The following ASXL2 variants were observed in gnomAD, a reference collection of about 807,000 sequenced individuals.
ASXL2 encodes putative Polycomb group protein ASXL2.
In ASXL2, 23 loss-of-function variants were observed where a neutral mutation model predicts 122.0. That is an observed-to-expected ratio of 0.19 (90% CI 0.14 to 0.27). The LOEUF (loss-of-function observed/expected upper bound fraction) is 0.27. Among genes scored for constraint, ASXL2 ranks in the 10% least tolerant of loss-of-function variants. ASXL2 has a pLI of 1.00. For missense variants in ASXL2, 1,518 were observed against 1,713.8 expected (o/e 0.89, Z 2.02); for synonymous variants, 650 against 637.0 (o/e 1.02, Z -0.31).
intron 1 of ASXL2, among the ~76,000 whole-genome samples, chr2:25,875,606 A>T (rs537001412): frequency 6.6e-6 from 1 of 152,324 alleles, no homozygotes; most frequent in Admixed American, 6.5e-5. Flanking sequence ...CCAGTATCAC[A>T]TATCTACATT....
chr2:25,863,418 C>T (rs553212905), intron 1 of ASXL2, among the ~76,000 whole-genome samples: 4 of 151,890 alleles, frequency 2.6e-5, no homozygotes, highest in African/African-American at 9.7e-5. Flanking sequence ...AGGGGCCAGG[C>T]ACAGTGGCTC....
At chr2:25,833,856 A>C (rs999438222) in intron 3 of ASXL2, among the ~76,000 whole-genome samples, 1 of 152,144 alleles carries the variant, frequency 6.6e-6, no homozygotes, top group Non-Finnish European at 1.5e-5. Context: ...GTAGACAATG[A>C]CTAATTTAGC....
intron 3 of ASXL2, among the ~76,000 whole-genome samples, chr2:25,827,731 T>C (rs1166757055): frequency 6.6e-6 from 1 of 152,034 alleles, no homozygotes; most frequent in Non-Finnish European, 1.5e-5. Context: ...AAAGGGTGTG[T>C]AGGAAAACTT....
rs561089449 is a variant in ASXL2, at chr2:25,734,512, T to G, written c.*7517A>C. The G allele has an allele frequency of 5.9e-5, 9 of 152,340 alleles. No individual in the cohort carries two copies. Among genetic ancestry groups the G allele is most frequent in the African/African-American group, 1.4e-4 (6 of 41,576 alleles). 9.4% of individuals were successfully genotyped at this position (152,340 alleles called of 1,614,324 possible). A position where few individuals can be genotyped will look rare whatever the true frequency, so the allele number is the denominator to read the frequency against. On this transcript the variant is annotated 3_prime_UTR_variant, in exon 13 of 13. Coordinates refer to ENST00000435504, the MANE Select transcript of ASXL2 (RefSeq NM_018263.6). ...CTGTTTTTTAAAAGAATGTAAAATT[T>G]TATGTATGATACTTTCCATAGGAAA...
chr2:25,813,714 G>A (rs540081516), intron 3 of ASXL2, among the ~76,000 whole-genome samples: 1 of 152,302 alleles, frequency 6.6e-6, no homozygotes, highest in South Asian at 2.1e-4. Context: ...TAAAATGAAA[G>A]TAAATGGCAC....
At position 25,742,819 on chromosome 2, in the gene ASXL2, C is replaced by T; in HGVS notation, c.3518G>A (p.Ser1173Asn). ...AGTGTCATCTTCTTTGCTGCTGCTA[C>T]TCTCTCCTGTTGCATTTTTACAGTC... ...YTDCKNATGE[S>N]SSSKEDDTDE... The change falls in exon 13 of 13, where the codon AGT (serine) becomes AAT (asparagine). Residue 1173 changes from serine to asparagine, a missense_variant. Ser to Asn is a conservative substitution (Grantham distance 46). Transcript: ENST00000435504. 1 of 1,614,022 alleles carries T rather than the reference C, an allele frequency of 6.2e-7. No individual in the cohort carries two copies. The highest frequency in any genetic ancestry group is 8.5e-7 in the Non-Finnish European group (1 of 1,179,890).
chr2:25,770,599 A>G (rs1480015475), intron 6 of ASXL2, among the ~76,000 whole-genome samples: 3 of 152,192 alleles, frequency 2.0e-5, no homozygotes, highest in African/African-American at 7.2e-5. Context: ...TACTAAAAAC[A>G]CAAAAATTAG....
intron 1 of ASXL2, chr2:25,857,020 A>AT (rs373462166): frequency 6.0e-6 from 1 of 165,692 alleles, no homozygotes; most frequent in South Asian, 2.0e-4. Flanking sequence ...CACATGTCTA[A>AT]TTTTTTCATA....
intron 1 of ASXL2, among the ~76,000 whole-genome samples, chr2:25,861,849 G>A (rs1295025651): frequency 6.6e-6 from 1 of 152,122 alleles, no homozygotes; most frequent in Non-Finnish European, 1.5e-5. Flanking sequence ...TCAAACTACA[G>A]ACCCATATCT....
chr2:25,826,762 TAAAAAAAAAA>T (rs55765302), intron 3 of ASXL2, among the ~76,000 whole-genome samples: 7 of 68,088 alleles, frequency 1.0e-4, no homozygotes, highest in Admixed American at 2.2e-4. Context: ...ACTTTCAAGG[TAAAAAAAAAA>T]AAAAAAAAAA....
At chr2:25,775,471 G>A (rs1559507660) in intron 5 of ASXL2, among the ~76,000 whole-genome samples, 1 of 152,232 alleles carries the variant, frequency 6.6e-6, no homozygotes, top group Non-Finnish European at 1.5e-5. Flanking sequence ...TCAGCGGAGT[G>A]ACCTGTAATC....
intron 2 of ASXL2, among the ~76,000 whole-genome samples, chr2:25,836,453 T>C (rs1457798212): frequency 6.6e-6 from 1 of 152,206 alleles, no homozygotes; most frequent in Non-Finnish European, 1.5e-5. Flanking sequence ...TTTATTTCCC[T>C]TGCTATATAC....
chr2:25,783,554 T>C (rs1394427777), intron 5 of ASXL2, among the ~76,000 whole-genome samples: 1 of 152,142 alleles, frequency 6.6e-6, no homozygotes, highest in East Asian at 1.9e-4. Flanking sequence ...TAGTTTACTT[T>C]ATTATTCTTT....
intron 1 of ASXL2, among the ~76,000 whole-genome samples, chr2:25,848,119 C>A (rs1230945610): frequency 6.6e-6 from 1 of 152,132 alleles, no homozygotes; most frequent in African/African-American, 2.4e-5. Context: ...ATAAATATTT[C>A]TAGAGTGTCA....
chr2:25,860,732 T>C (rs2089835280), intron 1 of ASXL2, among the ~76,000 whole-genome samples: 1 of 450 alleles, frequency 2.2e-3, no homozygotes, highest in Non-Finnish European at 6.0e-3. Context: ...AAAAGATCTA[T>C]GCTGGGTGTG....
intron 4 of ASXL2, among the ~76,000 whole-genome samples, chr2:25,804,266 C>T (rs2089046131): frequency 6.6e-6 from 1 of 152,206 alleles, no homozygotes; most frequent in Non-Finnish European, 1.5e-5. Flanking sequence ...ACAGTCACTG[C>T]CTACCAAGCA....
At chr2:25,871,372 C>T (rs2089960908) in intron 1 of ASXL2, among the ~76,000 whole-genome samples, 1 of 152,120 alleles carries the variant, frequency 6.6e-6, no homozygotes, top group Admixed American at 6.6e-5. Flanking sequence ...GCAGAAAGGA[C>T]TTTTGCAAAC....
rs370516345 is a variant in ASXL2 at position 25,858,186 on chromosome 2, G to A, written c.58-12623C>T. 3.9e-5 allele frequency among the ~76,000 whole-genome samples: 6 copies of A among 152,194 alleles called. No homozygotes were observed. In the East Asian group the frequency reaches 9.7e-4, roughly 24 times the overall value. ...AACCTAAGACAATTACCAAAGAACT[G>A]CTCCCTCCATTAGCTTACAGATACA... On this transcript the variant is annotated intron_variant, in intron 1 of 12. Coordinates refer to ENST00000435504, the MANE Select transcript of ASXL2 (RefSeq NM_018263.6).
intron 5 of ASXL2, among the ~76,000 whole-genome samples, chr2:25,775,040 T>A (rs990036670): frequency 6.6e-6 from 1 of 152,214 alleles, no homozygotes; most frequent in Admixed American, 6.5e-5. Context: ...TGTTGACTTG[T>A]GGTAGTTTTT....
Sources: allele counts gnomAD v4.1 joint callset (sites outside exome capture counted in the v4.1 genomes callset), GRCh38; gene constraint gnomAD v4.1.1; transcripts MANE v1.5; gene names NCBI Gene and HGNC (gene_info 2026-07-23, HGNC 2026-07-21).